The following SLC9A9 variants were observed in gnomAD, a reference collection of about 807,000 sequenced individuals.
SLC9A9 encodes sodium/hydrogen exchanger 9.
Under a neutral mutation model 77.8 loss-of-function variants are expected in SLC9A9, and 62 were observed. The observed-to-expected ratio is 0.80, with a 90% CI of 0.65 to 0.98. The LOEUF is 0.98. SLC9A9 is among the 50% of genes least tolerant of loss of function. The pLI is 0.00. For missense variants in SLC9A9, 775 were observed against 774.9 expected (o/e 1.00, Z 0.00); for synonymous variants, 320 against 283.5 (o/e 1.13, Z -1.29).
chr3:143,607,870 G>A (rs960771939), intron 6 of SLC9A9, among the ~76,000 whole-genome samples: 4 of 151,868 alleles, frequency 2.6e-5, no homozygotes, highest in South Asian at 2.1e-4. Flanking sequence ...TGTTTTAAAT[G>A]TGTTATGTTT....
chr3:143,679,002 T>C (rs1312785324), intron 5 of SLC9A9, among the ~76,000 whole-genome samples: 1 of 149,156 alleles, frequency 6.7e-6, no homozygotes, highest in Non-Finnish European at 1.5e-5. Context: ...GAAGGAGCAC[T>C]GTTTTGGATT....
At chr3:143,294,142 G>A (rs1323104761) in intron 14 of SLC9A9, among the ~76,000 whole-genome samples, 1 of 152,118 alleles carries the variant, frequency 6.6e-6, no homozygotes, top group East Asian at 1.9e-4. Context: ...TTTAATCTAG[G>A]TGCTTTAATA....
At chr3:143,593,982 GC>G (rs1379051625) in intron 6 of SLC9A9, among the ~76,000 whole-genome samples, 1 of 152,168 alleles carries the variant, frequency 6.6e-6, no homozygotes. Flanking sequence ...ACAATCCTTG[GC>G]TATGCCACCA....
intron 14 of SLC9A9, among the ~76,000 whole-genome samples, chr3:143,334,752 A>G (rs972554960): frequency 2.2e-4 from 33 of 152,192 alleles, no homozygotes; most frequent in African/African-American, 6.8e-4. Flanking sequence ...GAGCATTACA[A>G]CTATATATAT....
chr3:143,778,813 G>A lies in SLC9A9; in HGVS notation c.533+16188C>T, dbSNP rs546241456. Among the ~76,000 whole-genome samples, 10 of 152,302 alleles carry A rather than the reference G, an allele frequency of 6.6e-5. No individual in the cohort carries two copies. The East Asian group carries it at 1.9e-3, about 29-fold the overall frequency. On this transcript the variant is annotated intron_variant, in intron 4 of 15. Transcript: ENST00000316549. Reference sequence around the variant, plus strand: ...CCAATAGAAGTAATAGATCAGTTGAGTCTAAGAAAAGATTAGAGACCCAGC... The same window carrying A: ...CCAATAGAAGTAATAGATCAGTTGAATCTAAGAAAAGATTAGAGACCCAGC...
chr3:143,775,425 C>G (rs2007657363), intron 4 of SLC9A9, among the ~76,000 whole-genome samples: 1 of 152,194 alleles, frequency 6.6e-6, no homozygotes, highest in Non-Finnish European at 1.5e-5. Context: ...TCAACTCTGT[C>G]TGGAGAAATT....
chr3:143,803,045 T>A (rs2008609653), intron 2 of SLC9A9, among the ~76,000 whole-genome samples: 1 of 152,088 alleles, frequency 6.6e-6, no homozygotes, highest in Admixed American at 6.5e-5. Context: ...GACAATCAGT[T>A]CTTGTTAAGA....
intron 12 of SLC9A9, among the ~76,000 whole-genome samples, chr3:143,438,033 G>A (rs1197305093): frequency 6.6e-6 from 1 of 152,160 alleles, no homozygotes; most frequent in Admixed American, 6.5e-5. Flanking sequence ...TACCCTCTAG[G>A]GAAAATATGA....
chr3:143,811,067 G>A (rs1437145741), intron 2 of SLC9A9, among the ~76,000 whole-genome samples: 1 of 152,064 alleles, frequency 6.6e-6, no homozygotes, highest in Non-Finnish European at 1.5e-5. Flanking sequence ...CCTCCCCCGG[G>A]GGCAGTGGAC....
chr3:143,692,388 A>G (rs1933497650), intron 5 of SLC9A9, among the ~76,000 whole-genome samples: 1 of 152,154 alleles, frequency 6.6e-6, no homozygotes, highest in South Asian at 2.1e-4. Flanking sequence ...AGGTCTTACA[A>G]TGGCAATACT....
At chr3:143,538,689 T>C (rs1576562659) in intron 9 of SLC9A9, among the ~76,000 whole-genome samples, 1 of 152,278 alleles carries the variant, frequency 6.6e-6, no homozygotes, top group Non-Finnish European at 1.5e-5. Flanking sequence ...CAAGAGATCT[T>C]CTATCCCGGC....
At chr3:143,473,775 T>C (rs115137130) in intron 11 of SLC9A9, among the ~76,000 whole-genome samples, 1,596 of 152,326 alleles carry the variant, frequency 0.01, 24 homozygotes, top group African/African-American at 0.036. Flanking sequence ...CTTATGTCTT[T>C]CATAATACCC....
intron 5 of SLC9A9, among the ~76,000 whole-genome samples, chr3:143,669,602 T>G (rs1006345701): frequency 6.6e-6 from 1 of 152,220 alleles, no homozygotes; most frequent in Non-Finnish European, 1.5e-5. Context: ...ATAACTAGCT[T>G]CCAACTTCTG....
chr3:143,416,554 G>A (rs944101399), intron 12 of SLC9A9, among the ~76,000 whole-genome samples: 11 of 152,028 alleles, frequency 7.2e-5, no homozygotes, highest in Non-Finnish European at 2.9e-5. Context: ...GCATTTTTTA[G>A]CAACAAAGTT....
intron 1 of SLC9A9, among the ~76,000 whole-genome samples, chr3:143,832,586 T>G (rs1336649779): frequency 1.3e-5 from 2 of 152,032 alleles, no homozygotes; most frequent in South Asian, 4.2e-4. Flanking sequence ...CCCCTGGGAG[T>G]GTTTCTGGTC....
chr3:143,743,205 A>AGATGGATG lies in SLC9A9; in HGVS notation c.534-49906_534-49899dup, dbSNP rs34152223. Among the ~76,000 whole-genome samples the AGATGGATG allele has an allele frequency of 1.4e-3, 197 of 140,062 alleles. 2 individuals are homozygous for AGATGGATG. The highest frequency in any genetic ancestry group is 4.2e-3 in the African/African-American group (158 of 37,180). 91.9% of individuals were successfully genotyped at this position (140,062 alleles called of 152,430 possible). Reference sequence around the variant, plus strand: ...AGGAAGGATGGATGGATAGATGGATAGATGGATGGATGGATGGATGGATGG... The same window carrying AGATGGATG: ...AGGAAGGATGGATGGATAGATGGATAGATGGATGGATGGATGGATGGATGGATGGATGG... On this transcript the variant is annotated intron_variant, in intron 4 of 15. Transcript: ENST00000316549.
At chr3:143,751,842 G>T (rs760130410) in intron 4 of SLC9A9, among the ~76,000 whole-genome samples, 2 of 152,202 alleles carry the variant, frequency 1.3e-5, no homozygotes, top group Non-Finnish European at 2.9e-5. Context: ...AGACCACAGC[G>T]AAGACTCAAA....
chr3:143,268,001 G>A (rs1353694351), intron 15 of SLC9A9, among the ~76,000 whole-genome samples: 2 of 152,322 alleles, frequency 1.3e-5, no homozygotes, highest in African/African-American at 4.8e-5. Context: ...GGGCCTGAGA[G>A]TGTGCATTTC....
intron 9 of SLC9A9, chr3:143,518,053 T>C (rs1451766148): frequency 8.0e-6 from 12 of 1,498,442 alleles, no homozygotes; most frequent in Non-Finnish European, 1.1e-5. Flanking sequence ...TACTGTCAGG[T>C]TTTTCTTCCT....
Sources: allele counts gnomAD v4.1 joint callset (sites outside exome capture counted in the v4.1 genomes callset), GRCh38; gene constraint gnomAD v4.1.1; transcripts MANE v1.5; gene names NCBI Gene and HGNC (gene_info 2026-07-23, HGNC 2026-07-21).